Variants in THSD7B observed in about 807,000 individuals in gnomAD.
THSD7B encodes the protein thrombospondin type-1 domain-containing protein 7B.
In THSD7B, 138 loss-of-function variants were observed where a neutral mutation model predicts 213.6. The observed-to-expected ratio is 0.65, with a 90% CI of 0.56 to 0.74. The LOEUF is 0.74. Among genes scored for constraint, THSD7B ranks in the 30% least tolerant of loss-of-function variants. The pLI is 0.00. For synonymous variants in THSD7B, 742 were observed against 687.0 expected (o/e 1.08, Z -1.25); for missense variants, 1,931 against 1,991.5 (o/e 0.97, Z 0.58).
chr2:137,181,710 A>T (rs1481617719), intron 7 of THSD7B, among the ~76,000 whole-genome samples: 1 of 152,116 alleles, frequency 6.6e-6, no homozygotes, highest in African/African-American at 2.4e-5. Context: ...GTTGTCCTGC[A>T]ATTAATGATA....
At chr2:137,501,784 C>T (rs1262149445) in intron 15 of THSD7B, among the ~76,000 whole-genome samples, 1 of 152,198 alleles carries the variant, frequency 6.6e-6, no homozygotes, top group Non-Finnish European at 1.5e-5. Context: ...AGGAAATTAG[C>T]ATCTCTGAAG....
chr2:136,795,781 C>A (rs1193240719), intron 1 of THSD7B, among the ~76,000 whole-genome samples: 1 of 151,804 alleles, frequency 6.6e-6, no homozygotes, highest in East Asian at 1.9e-4. Context: ...TTTTATTATT[C>A]TATTTTTCTC....
At chr2:137,233,308 T>A (rs1454778466) in intron 9 of THSD7B, among the ~76,000 whole-genome samples, 175 bp downstream of exon 9, 1 of 152,244 alleles carries the variant, frequency 6.6e-6, no homozygotes, top group Non-Finnish European at 1.5e-5. Flanking sequence ...GATAAACGTG[T>A]TTATGATATA....
At chr2:137,523,707 G>T (rs1680228096) in intron 15 of THSD7B, among the ~76,000 whole-genome samples, 1 of 152,044 alleles carries the variant, frequency 6.6e-6, no homozygotes, top group Admixed American at 6.6e-5. Flanking sequence ...AGTCAAGATG[G>T]GTCTGAGCTG....
intron 15 of THSD7B, among the ~76,000 whole-genome samples, chr2:137,516,923 T>A (rs769076900): frequency 6.6e-6 from 1 of 152,230 alleles, no homozygotes; most frequent in African/African-American, 2.4e-5. Context: ...TCCCACCACA[T>A]CCCTGTTCAA....
chr2:137,020,037 A>G (rs969704791), intron 2 of THSD7B, among the ~76,000 whole-genome samples: 2 of 152,140 alleles, frequency 1.3e-5, no homozygotes, highest in Admixed American at 1.3e-4. Context: ...CCAGGCACAG[A>G]CCTCGAAACA....
chr2:137,610,009 T>G (rs1162952455), intron 17 of THSD7B, among the ~76,000 whole-genome samples: 1 of 152,094 alleles, frequency 6.6e-6, no homozygotes, highest in African/African-American at 2.4e-5. Context: ...AGCCTCTAGA[T>G]TGTCGGAGTT....
At chr2:137,375,680 C>A (rs554241903) in intron 12 of THSD7B, among the ~76,000 whole-genome samples, 1 of 152,064 alleles carries the variant, frequency 6.6e-6, no homozygotes, top group Non-Finnish European at 1.5e-5. Flanking sequence ...GATTCTAGAA[C>A]GGAATTAAGG....
intron 12 of THSD7B, among the ~76,000 whole-genome samples, chr2:137,350,087 C>A (rs1684973945): frequency 1.3e-5 from 2 of 151,690 alleles, no homozygotes; most frequent in South Asian, 2.1e-4. Flanking sequence ...CTGTTATGTA[C>A]CAATGTATTA....
intron 12 of THSD7B, among the ~76,000 whole-genome samples, chr2:137,399,088 C>T (rs1042904381): frequency 9.2e-5 from 14 of 152,074 alleles, no homozygotes; most frequent in South Asian, 6.3e-4. Flanking sequence ...GAGATGAACC[C>T]GGTACCTCAG....
intron 2 of THSD7B, among the ~76,000 whole-genome samples, chr2:137,021,092 G>A (rs951267924): frequency 2.0e-5 from 3 of 152,136 alleles, no homozygotes; most frequent in African/African-American, 7.2e-5. Flanking sequence ...GTAGAAATGT[G>A]TATTTCTATG....
At chr2:137,474,230 A>T (rs1688150183) in intron 15 of THSD7B, among the ~76,000 whole-genome samples, 2 of 152,160 alleles carry the variant, frequency 1.3e-5, no homozygotes, top group African/African-American at 4.8e-5. Context: ...TTTGGTTACT[A>T]TAGTTTTTCC....
rs149979035 is a variant in THSD7B, at chr2:137,446,906, G to A, written c.2960-3939G>A. Among the ~76,000 whole-genome samples, 83 of 152,110 alleles carry A rather than the reference G, an allele frequency of 5.5e-4. 1 individual carries two copies. The highest frequency in any genetic ancestry group is 3.4e-3 in the Middle Eastern group (1 of 294). The stretch of plus-strand genomic sequence containing the variant: ...CAGTTAGAAATTAGAATATTTAAGT[G>A]GCAGGTCAACCTTGTACATAGTCAC... On this transcript the variant is annotated intron_variant, in intron 14 of 27. Transcript: ENST00000409968.
At chr2:137,257,116 C>T (rs906073119) in intron 10 of THSD7B, among the ~76,000 whole-genome samples, 3 of 152,168 alleles carry the variant, frequency 2.0e-5, no homozygotes, top group Admixed American at 6.5e-5. Flanking sequence ...AAATAAAATC[C>T]AGTCACCTCT....
chr2:137,612,125 T>C (rs927505214), intron 17 of THSD7B, among the ~76,000 whole-genome samples: 25 of 152,326 alleles, frequency 1.6e-4, no homozygotes, highest in African/African-American at 6.0e-4. Context: ...AAATGCTAAA[T>C]TGAAACATAA....
intron 3 of THSD7B, among the ~76,000 whole-genome samples, chr2:137,074,206 A>T (rs991805072): frequency 1.3e-4 from 19 of 151,380 alleles, no homozygotes; most frequent in Admixed American, 6.6e-4. Context: ...CCCATTATTA[A>T]TGTGTGGGAG....
chr2:137,450,510 G>C (rs572152197), intron 14 of THSD7B, among the ~76,000 whole-genome samples: 25 of 152,136 alleles, frequency 1.6e-4, no homozygotes, highest in South Asian at 6.2e-4. Flanking sequence ...ACAGTGAATC[G>C]TAGGAGGGAA....
At chr2:137,341,815 C>A (rs940420375) in intron 12 of THSD7B, among the ~76,000 whole-genome samples, 1 of 151,546 alleles carries the variant, frequency 6.6e-6, no homozygotes, top group Admixed American at 6.6e-5. Flanking sequence ...TATTTTGTTC[C>A]GTTGGTTAAT....
At position 137,549,264 on chromosome 2, in the gene THSD7B, C is replaced by T. The variant is rs143994656; in HGVS notation, c.3139-13957C>T. 6.8e-5 allele frequency among the ~76,000 whole-genome samples: 10 copies of T among 147,094 alleles called. No homozygotes were observed. In the East Asian group the frequency reaches 1.8e-3, roughly 27 times the overall value. On this transcript the variant is annotated intron_variant, in intron 15 of 27. Transcript: ENST00000409968. ...ACCTTATGCCTGTAACTTGTAGAAC[C>T]TTTGCTGCCTGCCAGAAGGCAGACA...
Sources: allele counts gnomAD v4.1 joint callset (sites outside exome capture counted in the v4.1 genomes callset), GRCh38; gene constraint gnomAD v4.1.1; transcripts MANE v1.5; gene names NCBI Gene and HGNC (gene_info 2026-07-23, HGNC 2026-07-21).